Variants in ZNF567 observed in about 807,000 individuals in gnomAD.
ZNF567 encodes the protein zinc finger protein 567.
ZNF567 carries 36 observed loss-of-function variants against 53.9 expected under a neutral mutation model. The ratio of observed to expected loss-of-function variants is 0.67; its 90% CI spans 0.51 to 0.88. ZNF567 has a LOEUF of 0.88. ZNF567 is among the 40% of genes least tolerant of loss of function. The pLI is 0.00. For synonymous variants in ZNF567, 224 were observed against 260.4 expected, an observed-to-expected ratio of 0.86 and a Z score of 1.35; for missense variants, 619 against 764.7, an observed-to-expected ratio of 0.81 and a Z score of 2.25.
chr19:36,702,863 G>C (rs1205586724), intron 3 of ZNF567, among the ~76,000 whole-genome samples: 1 of 152,050 alleles, frequency 6.6e-6, no homozygotes, highest in Non-Finnish European at 1.5e-5. Context: ...CTTTGCCTTT[G>C]GTTTGAATTT....
chr19:36,712,184 T>A (rs918881513), intron 3 of ZNF567: 7 of 450,574 alleles, frequency 1.6e-5, no homozygotes, highest in Middle Eastern at 6.8e-4. Flanking sequence ...GTAACTGGGA[T>A]TACAGGCGCA....
chr19:36,696,655 CACT>C (rs2038906100), intron 3 of ZNF567, among the ~76,000 whole-genome samples: 2 of 152,308 alleles, frequency 1.3e-5, no homozygotes, highest in South Asian at 4.1e-4. Context: ...CTCCATCCTC[CACT>C]GATACCATCC....
Position 36,718,952 on chromosome 19 carries a change from A to C in ZNF567, c.228A>C (p.Glu76Asp). The change falls in exon 6 of 6, where the codon GAA becomes GAC. Residue 76 changes from glutamate to aspartate, a missense_variant. Transcript: ENST00000682579. Reference protein sequence around the residue: ...TSFAGHTCLEENWKAEDFLVK... With the variant: ...TSFAGHTCLEDNWKAEDFLVK... The stretch of plus-strand genomic sequence containing the variant: ...ATCAATTATATTCTTTTCTAGAAGA[A>C]AACTGGAAAGCTGAAGACTTTTTAG... 1 of 1,555,576 alleles carries C rather than the reference A, an allele frequency of 6.4e-7. No homozygotes were observed. Among genetic ancestry groups the C allele is most frequent in the Non-Finnish European group, 8.6e-7 (1 of 1,158,988 alleles).
intron 3 of ZNF567, among the ~76,000 whole-genome samples, chr19:36,701,951 T>A (rs1268849568): frequency 1.3e-5 from 2 of 151,944 alleles, no homozygotes; most frequent in African/African-American, 4.8e-5. Context: ...TATGTGTGAA[T>A]TTGATCCTGT....
At chr19:36,676,745 C>T in the ZNF567 span, among the ~76,000 whole-genome samples, 8 of 152,150 alleles carry the variant, frequency 5.3e-5, no homozygotes, top group Non-Finnish European at 1.0e-4. Context: ...AGAATAATTT[C>T]GGTGGCTCGC....
chr19:36,697,029 T>C (rs932746035), intron 3 of ZNF567, among the ~76,000 whole-genome samples: 2 of 152,188 alleles, frequency 1.3e-5, no homozygotes, highest in African/African-American at 4.8e-5. Flanking sequence ...GAGGAATGTA[T>C]ATAGACATTT....
intron 5 of ZNF567, among the ~76,000 whole-genome samples, chr19:36,717,058 C>T (rs1317063904): frequency 6.6e-6 from 1 of 151,988 alleles, no homozygotes; most frequent in Non-Finnish European, 1.5e-5. Flanking sequence ...AACTCCTGAC[C>T]TCAGGTGATC....
intron 3 of ZNF567, among the ~76,000 whole-genome samples, chr19:36,709,506 C>T (rs1162671916): frequency 6.6e-6 from 1 of 152,150 alleles, no homozygotes; most frequent in Non-Finnish European, 1.5e-5. Flanking sequence ...CCCCTTCCCC[C>T]ACTCCAGAGA....
At chr19:36,667,498 TCAAA>T in the ZNF567 span, among the ~76,000 whole-genome samples, 57 of 151,954 alleles carry the variant, frequency 3.8e-4, no homozygotes, top group Admixed American at 3.1e-3. Context: ...CAACTCCTTC[TCAAA>T]CAAACAAACA....
At chr19:36,721,557 T>TAA (rs2040298679), downstream of ZNF567, among the ~76,000 whole-genome samples, 1 of 152,138 alleles carries the variant, frequency 6.6e-6, no homozygotes, top group South Asian at 2.1e-4. Context: ...TCTCAATGCT[T>TAA]AAATGCAAAA....
intron 2 of ZNF567, among the ~76,000 whole-genome samples, chr19:36,694,600 G>A (rs2038784105): frequency 1.3e-5 from 2 of 152,148 alleles, no homozygotes; most frequent in South Asian, 4.1e-4. Context: ...AATCCATCCT[G>A]CTGCCCCAAA....
chr19:36,711,336 C>G (rs1043175896), intron 3 of ZNF567: 1 of 152,150 alleles, frequency 6.6e-6, no homozygotes, highest in Non-Finnish European at 1.5e-5. Context: ...CTCAAGCTCT[C>G]GTTTCTGTCC....
chr19:36,686,565 G>A (rs1415211190), upstream of ZNF567: 2 of 152,140 alleles, frequency 1.3e-5, no homozygotes, highest in Non-Finnish European at 2.9e-5. Flanking sequence ...CTCTGGGAAT[G>A]ATGTGGATCA....
chr19:36,673,643 A>G, the ZNF567 span, among the ~76,000 whole-genome samples: 115 of 152,286 alleles, frequency 7.6e-4, no homozygotes, highest in African/African-American at 2.7e-3. Context: ...TGCATGAGCC[A>G]GTTCCTTAAA....
chr19:36,722,568 G>C (rs558538710), downstream of ZNF567, among the ~76,000 whole-genome samples: 1 of 152,198 alleles, frequency 6.6e-6, no homozygotes, highest in Non-Finnish European at 1.5e-5. Context: ...CCAAAGTGCT[G>C]GGATTACAGG....
At chr19:36,689,095 C>G (rs2038444312) in intron 1 of ZNF567, among the ~76,000 whole-genome samples, 1 of 152,072 alleles carries the variant, frequency 6.6e-6, no homozygotes, top group East Asian at 1.9e-4. Flanking sequence ...AGACTCCGTC[C>G]CTTCCCTTCC....
chr19:36,719,523 G>C lies in ZNF567; in HGVS notation c.799G>C (p.Val267Leu), dbSNP rs1006734080. The C allele has an allele frequency of 6.2e-7, 1 of 1,613,852 alleles. No homozygotes were observed. Among genetic ancestry groups the C allele is most frequent in the South Asian group, 1.1e-5 (1 of 91,038 alleles). Residue 267 changes from valine to leucine, a missense_variant, in exon 6 of 6, where the codon GTA becomes CTA. Val to Leu is a conservative substitution (Grantham distance 32). Transcript: ENST00000682579. ...TGGGAAATCTTTCTGCAGGAAATCA[G>C]TATTGATTCTGCATCAGGGAATTCA... ...ECGKSFCRKS[V>L]LILHQGIHSE...
At chr19:36,693,590 A>G (rs1362746414) in intron 2 of ZNF567, among the ~76,000 whole-genome samples, 1 of 152,258 alleles carries the variant, frequency 6.6e-6, no homozygotes, top group Non-Finnish European at 1.5e-5. Flanking sequence ...TAGCATTGTT[A>G]GGAGAAAATA....
At chr19:36,698,701 C>T (rs1936268327) in intron 3 of ZNF567, among the ~76,000 whole-genome samples, 1 of 151,678 alleles carries the variant, frequency 6.6e-6, no homozygotes, top group African/African-American at 2.4e-5. Flanking sequence ...TTTCATGTGT[C>T]TTTTGGCTGC....
Sources: gnomAD v4.1 joint callset for allele counts (sites outside exome capture counted in the v4.1 genomes callset) on GRCh38, gnomAD v4.1.1 for gene constraint, MANE v1.5 for transcripts, NCBI Gene and HGNC (gene_info 2026-07-23, HGNC 2026-07-21) for gene names.